Variants in ORM2 observed in about 807,000 individuals in gnomAD.
The protein encoded by ORM2 is alpha-1-acid glycoprotein 2.
In ORM2, 19 loss-of-function variants were observed where a neutral mutation model predicts 26.8. The observed-to-expected ratio is 0.71, with a 90% CI of 0.49 to 1.04. The LOEUF is 1.04. ORM2 is among the 50% of genes least tolerant of loss of function. The pLI is 0.00. For synonymous variants in ORM2, 94 were observed against 100.0 expected (o/e 0.94, Z 0.36); for missense variants, 259 against 244.9 (o/e 1.06, Z -0.39).
chr9:114,330,532 C>A lies in ORM2; in HGVS notation c.213C>A (p.Pro71=), dbSNP rs1430929184. ...EIQATFFYFT[P]NKTEDTIFLR... Reference sequence around the variant, plus strand: ...AAGCAACCTTCTTTTACTTTACCCCCAACAAGACAGAGGACACGATCTTTC... The same window carrying A: ...AAGCAACCTTCTTTTACTTTACCCCAAACAAGACAGAGGACACGATCTTTC... Residue 71 remains proline (P), a synonymous_variant, in exon 2 of 6, where the codon CCC becomes CCA. Coordinates refer to ENST00000431067, the MANE Select transcript of ORM2 (RefSeq NM_000608.4). The A allele has an allele frequency of 3.1e-6, 5 of 1,612,410 alleles. No homozygotes were observed. Among genetic ancestry groups the A allele is most frequent in the Non-Finnish European group, 4.2e-6 (5 of 1,179,912 alleles).
At position 114,330,873 on chromosome 9, in the gene ORM2, G is replaced by T. The variant is rs1829840685; in HGVS notation, c.328+11G>T. On this transcript the variant is annotated intron_variant, in intron 3 of 5. Coordinates refer to ENST00000431067, the MANE Select transcript of ORM2 (RefSeq NM_000608.4). ...CCGTCTCCAGATACGGTGAGGGCCAGCCCTCAGGCAGGAGGGTTCACCGTG... is the reference window on the plus strand; with the variant it reads ...CCGTCTCCAGATACGGTGAGGGCCATCCCTCAGGCAGGAGGGTTCACCGTG... 1.2e-6 allele frequency: 2 copies of T among 1,612,292 alleles called. No individual in the cohort carries two copies. The highest frequency in any genetic ancestry group is 1.7e-6 in the Non-Finnish European group (2 of 1,178,542).
Position 114,331,574 on chromosome 9 carries a change from C to A in ORM2, c.336C>A (p.Gly112=). The A allele has an allele frequency of 6.2e-7, 1 of 1,613,250 alleles. No homozygotes were observed. Among genetic ancestry groups the A allele is most frequent in the Non-Finnish European group, 8.5e-7 (1 of 1,179,378 alleles). Reference sequence around the variant, plus strand: ...GCTCTTTTTCTCTTCCAGAGGGAGGCCGAGAACATGTTGCTCACCTGCTGT... The same window carrying A: ...GCTCTTTTTCTCTTCCAGAGGGAGGACGAGAACATGTTGCTCACCTGCTGT... ...ENGTVSRYEG[G]REHVAHLLFL... Residue 112 remains glycine (G), a synonymous_variant, in exon 4 of 6, where the codon GGC becomes GGA. Transcript: ENST00000431067.
rs765164125 is a variant in ORM2 at position 114,330,808 on chromosome 9, T to C, written c.274T>C (p.Tyr92His). Reference protein sequence around the residue: ...EYQTRQNQCFYNSSYLNVQRE... With the variant: ...EYQTRQNQCFHNSSYLNVQRE... ...TGACTTTAGCCAGAACCAGTGCTTC[T>C]ATAACTCCAGTTACCTGAATGTCCA... Residue 92 changes from tyrosine (Y) to histidine (H), a missense_variant, in exon 3 of 6, where the codon TAT becomes CAT. Transcript: ENST00000431067. 8 of 1,613,872 alleles carry C rather than the reference T, an allele frequency of 5.0e-6. No homozygotes were observed. The highest frequency in any genetic ancestry group is 4.4e-5 in the South Asian group (4 of 91,080).
chr9:114,332,300 T>A (rs1829867598), intron 5 of ORM2, among the ~76,000 whole-genome samples: 2 of 152,126 alleles, frequency 1.3e-5, no homozygotes, highest in Admixed American at 1.3e-4. Flanking sequence ...TTAATACCCG[T>A]GCAGTGGGGA....
rs370140383 is a variant in ORM2, at chr9:114,331,550, C to G, written c.329-17C>G. ...GCCATCCCATGTTCTCACCCAGAGG[C>G]TCTTTTTCTCTTCCAGAGGGAGGCC... On this transcript the variant is annotated splice_polypyrimidine_tract_variant and intron_variant, in intron 3 of 5. Transcript: ENST00000431067. 6 of 1,599,812 alleles carry G rather than the reference C, an allele frequency of 3.8e-6. No individual in the cohort carries two copies. The African/African-American group carries it at 8.1e-5, about 22-fold the overall frequency.
In ORM2 at chr9:114,330,778, C is replaced by A. The variant is rs552854451; in HGVS notation, c.258-14C>A. ...AACATTACTGTTTTTCTTCCGCCTT[C>A]TGGTTGACTTTAGCCAGAACCAGTG... is the stretch of plus-strand genomic sequence containing the variant. On this transcript the variant is annotated splice_polypyrimidine_tract_variant and intron_variant, in intron 2 of 5. Coordinates refer to ENST00000431067, the MANE Select transcript of ORM2 (RefSeq NM_000608.4). 13 of 1,613,418 alleles carry A rather than the reference C, an allele frequency of 8.1e-6. No individual in the cohort carries two copies. In the South Asian group the frequency reaches 1.4e-4, roughly 18 times the overall value.
In ORM2 at chr9:114,331,825, G is replaced by A. The variant is rs375310283; in HGVS notation, c.437-1G>A. On this transcript the variant is annotated splice_acceptor_variant, in intron 4 of 5. Coordinates refer to ENST00000431067, the MANE Select transcript of ORM2 (RefSeq NM_000608.4). LOFTEE classifies it high-confidence loss of function. ...AGTCAGTCTCCTTGCTCCCCCTGCA[G>A]CTGACAAGCCAGAGACGACCAAGGA... is the stretch of plus-strand genomic sequence containing the variant. 6.2e-7 allele frequency: 1 copy of A among 1,613,502 alleles called. No homozygotes were observed. Among genetic ancestry groups the A allele is most frequent in the East Asian group, 2.2e-5 (1 of 44,860 alleles).
intron 3 of ORM2, 67 bp from the exon 4 acceptor site, chr9:114,331,500 T>C (rs1829850301): frequency 9.7e-6 from 13 of 1,336,532 alleles, no homozygotes; most frequent in Middle Eastern, 1.9e-4. Context: ...CTAGGACTCC[T>C]CACCTGTAAG....
Position 114,331,668 on chromosome 9 carries a change from T to A in ORM2, c.430T>A (p.Phe144Ile). Residue 144 changes from phenylalanine to isoleucine, a missense_variant, in exon 4 of 6, where the codon TTC becomes ATC. Phe to Ile is a conservative substitution (Grantham distance 21). Around this residue, in one of 2 missense-constraint regions of ORM2, gnomAD observed 251 missense variants for 220.5 expected, o/e 1.14. Transcript: ENST00000431067. Reference protein sequence around the residue: ...LDDEKNWGLSFYADKPETTKE... With the variant: ...LDDEKNWGLSIYADKPETTKE... ...CGATGAGAAGAACTGGGGGCTGTCT[T>A]TCTATGGTAGGCATGCTTAGCAGCC... 1 of 1,612,958 alleles carries A rather than the reference T, an allele frequency of 6.2e-7. No individual in the cohort carries two copies. Among genetic ancestry groups the A allele is most frequent in the East Asian group, 2.2e-5 (1 of 44,842 alleles).
Position 114,331,680 on chromosome 9 carries a change from C to T in ORM2, c.436+6C>T, listed in dbSNP as rs768014172. 6.2e-7 allele frequency: 1 copy of T among 1,610,366 alleles called. No homozygotes were observed. The highest frequency in any genetic ancestry group is 8.5e-7 in the Non-Finnish European group (1 of 1,176,852). ...CTGGGGGCTGTCTTTCTATGGTAGG[C>T]ATGCTTAGCAGCCCCAAACTCATGC... On this transcript the variant is annotated splice_donor_region_variant and intron_variant, in intron 4 of 5. Transcript: ENST00000431067.
intron 5 of ORM2, among the ~76,000 whole-genome samples, chr9:114,332,373 T>C (rs1236845716): frequency 2.0e-5 from 3 of 152,110 alleles, no homozygotes; most frequent in Admixed American, 6.5e-5. Flanking sequence ...CATCCCGATT[T>C]TTGCTACAAA....
intron 5 of ORM2, among the ~76,000 whole-genome samples, chr9:114,332,649 A>T (rs1275377625): frequency 5.9e-5 from 9 of 152,082 alleles, no homozygotes; most frequent in Admixed American, 5.9e-4. Context: ...AGGGCTTATG[A>T]ACGCAACCAC....
At chr9:114,331,375 A>G (rs376208862) in intron 3 of ORM2, among the ~76,000 whole-genome samples, 192 bp from the exon 4 acceptor site, 7 of 152,072 alleles carry the variant, frequency 4.6e-5, no homozygotes, top group African/African-American at 1.7e-4. Flanking sequence ...GGCTCCTGAG[A>G]TCTCATGTAC....
intron 3 of ORM2, among the ~76,000 whole-genome samples, 175 bp from the exon 4 acceptor site, chr9:114,331,392 T>C (rs1277608358): frequency 2.6e-5 from 4 of 152,042 alleles, no homozygotes; most frequent in Admixed American, 6.5e-5. Flanking sequence ...GTACAGAAAG[T>C]GCTTGGCGTG....
intron 3 of ORM2, 138 bp from the exon 4 acceptor site, chr9:114,331,429 C>T (rs984782265): frequency 7.8e-5 from 51 of 657,230 alleles, no homozygotes; most frequent in East Asian, 5.5e-4. Context: ...AGGGGCTGGG[C>T]ACACGGTGGC....
chr9:114,332,367 C>A (rs1263573426), intron 5 of ORM2, among the ~76,000 whole-genome samples: 1 of 152,062 alleles, frequency 6.6e-6, no homozygotes, highest in Non-Finnish European at 1.5e-5. Flanking sequence ...AGTCACCATC[C>A]CGATTTTTGC....
rs1410944153 is a variant in ORM2, at chr9:114,331,855, C to A, written c.466C>A (p.Leu156Met). 3 of 1,613,834 alleles carry A rather than the reference C, an allele frequency of 1.9e-6. No individual in the cohort carries two copies. The highest frequency in any genetic ancestry group is 8.5e-7 in the Non-Finnish European group (1 of 1,179,874). ...ADKPETTKEQ[L>M]GEFYEALDCL... ...CAAGCCAGAGACGACCAAGGAGCAACTGGGAGAGTTCTACGAAGCTCTCGA... is the reference window on the plus strand; with the variant it reads ...CAAGCCAGAGACGACCAAGGAGCAAATGGGAGAGTTCTACGAAGCTCTCGA... The change falls in exon 5 of 6, where the codon CTG (leucine) becomes ATG (methionine). Residue 156 changes from leucine (L) to methionine (M), a missense_variant. Around this residue, in one of 2 missense-constraint regions of ORM2, gnomAD observed 251 missense variants for 220.5 expected, o/e 1.14. Transcript: ENST00000431067.
chr9:114,331,816 C>T lies in ORM2; in HGVS notation c.437-10C>T. On this transcript the variant is annotated splice_polypyrimidine_tract_variant and intron_variant, in intron 4 of 5. Coordinates refer to ENST00000431067, the MANE Select transcript of ORM2 (RefSeq NM_000608.4). ...CATGTCCCCAGTCAGTCTCCTTGCT[C>T]CCCCTGCAGCTGACAAGCCAGAGAC... 6.2e-7 allele frequency: 1 copy of T among 1,612,350 alleles called. No homozygotes were observed. The highest frequency in any genetic ancestry group is 8.5e-7 in the Non-Finnish European group (1 of 1,178,902).
rs1564607436 is a variant in ORM2 at position 114,330,855 on chromosome 9, C to T, written c.321C>T (p.Ser107=). The stretch of plus-strand genomic sequence containing the variant: ...TCCAGCGGGAGAATGGGACCGTCTC[C>T]AGATACGGTGAGGGCCAGCCCTCAG... ...LNVQRENGTV[S]RYEGGREHVA... The change falls in exon 3 of 6, where the codon TCC becomes TCT. Residue 107 remains serine (S), a synonymous_variant. Transcript: ENST00000431067. The T allele has an allele frequency of 6.2e-7, 1 of 1,613,560 alleles. No homozygotes were observed. The highest frequency in any genetic ancestry group is 8.5e-7 in the Non-Finnish European group (1 of 1,179,638).
Sources: gnomAD v4.1 joint callset for allele counts (sites outside exome capture counted in the v4.1 genomes callset) on GRCh38, gnomAD v4.1.1 for gene constraint, gnomAD v4.1.1 regional missense constraint, MANE v1.5 for transcripts, NCBI Gene and HGNC (gene_info 2026-07-23, HGNC 2026-07-21) for gene names.